The following SF3B1 variants were observed in gnomAD, a reference collection of about 807,000 sequenced individuals.
The protein encoded by SF3B1 is splicing factor 3b subunit 1.
A neutral mutation model predicts 153.8 loss-of-function variants in SF3B1; 12 were observed. The observed-to-expected ratio is 0.08, with a 90% CI of 0.05 to 0.13. SF3B1 has a LOEUF of 0.13. SF3B1 is among the 10% of genes least tolerant of loss of function. SF3B1 has a pLI of 1.00. For synonymous variants in SF3B1, 498 were observed against 525.2 expected, an observed-to-expected ratio of 0.95 and a Z score of 0.71; for missense variants, 513 against 1,606.1, an observed-to-expected ratio of 0.32 and a Z score of 11.63.
At position 197,401,370 on chromosome 2, in the gene SF3B1, T is replaced by G; in HGVS notation, c.2496+30A>C. On this transcript the variant is annotated intron_variant, in intron 17 of 24. Coordinates refer to ENST00000335508, the MANE Select transcript of SF3B1 (RefSeq NM_012433.4). The surrounding 1 kb of genome is among the most constrained non-coding windows in gnomAD (Gnocchi z 4.2). ...CTAAAGAATGAGTTGAAAGGACTTT[T>G]GAGAATATTCTTTTACAATAAAAGC... 2.5e-6 allele frequency: 4 copies of G among 1,574,968 alleles called. No individual in the cohort carries two copies. Among genetic ancestry groups the G allele is most frequent in the Non-Finnish European group, 3.4e-6 (4 of 1,167,098 alleles).
chr2:197,398,314 T>A (rs1301486031), intron 21 of SF3B1, 147 bp downstream of exon 21: 3 of 977,396 alleles, frequency 3.1e-6, no homozygotes, highest in Non-Finnish European at 4.7e-6. Context: ...CCATCCAAAT[T>A]GAAATTTGAC....
At chr2:197,406,011 C>T (rs1480388016) in intron 9 of SF3B1, among the ~76,000 whole-genome samples, 2 of 151,294 alleles carry the variant, frequency 1.3e-5, no homozygotes, top group East Asian at 1.9e-4. Flanking sequence ...ATAAAATACA[C>T]ACCACCTGAT....
intron 6 of SF3B1, chr2:197,416,447 G>A (rs1574543288): frequency 7.8e-6 from 2 of 256,228 alleles, no homozygotes; most frequent in East Asian, 1.4e-4. Context: ...GGTCATGAGG[G>A]TGGGGCCCTA....
chr2:197,418,645 T>A, intron 4 of SF3B1, 57 bp from the exon 5 acceptor site: 2 of 1,578,518 alleles, frequency 1.3e-6, no homozygotes, highest in Admixed American at 3.6e-5. Context: ...ATAAGCAGGT[T>A]CAACTGATTT....
chr2:197,395,974 GTCA>G (rs2084870829), intron 23 of SF3B1, 79 bp downstream of exon 23: 3 of 1,257,856 alleles, frequency 2.4e-6, no homozygotes, highest in Non-Finnish European at 3.3e-6. Context: ...ACAGTAAAAA[GTCA>G]TCTAATAACT....
intron 1 of SF3B1, among the ~76,000 whole-genome samples, chr2:197,426,122 A>C (rs1194210787): frequency 1.3e-5 from 2 of 151,898 alleles, no homozygotes; most frequent in Non-Finnish European, 2.9e-5. Flanking sequence ...CACTACATGC[A>C]CAGATGTTAC....
chr2:197,415,544 G>A (rs938240191), intron 6 of SF3B1, among the ~76,000 whole-genome samples: 5 of 152,134 alleles, frequency 3.3e-5, no homozygotes, highest in East Asian at 1.9e-4. Context: ...GTGAGCCACC[G>A]CACCCAGCCG....
At chr2:197,404,087 T>G (rs2084962900) in intron 11 of SF3B1, among the ~76,000 whole-genome samples, 1 of 152,214 alleles carries the variant, frequency 6.6e-6, no homozygotes, top group Admixed American at 6.5e-5. Context: ...ATTTCACTAA[T>G]TATCTTCAAG....
intron 20 of SF3B1, chr2:197,398,892 T>C (rs1401837578): frequency 2.0e-6 from 1 of 504,078 alleles, no homozygotes. Flanking sequence ...ACAGCTTATG[T>C]TCCGGCCATA....
intron 5 of SF3B1, among the ~76,000 whole-genome samples, chr2:197,417,466 G>A (rs186864776): frequency 5.3e-5 from 8 of 151,416 alleles, no homozygotes; most frequent in South Asian, 2.1e-4. Flanking sequence ...GGCTGGGTAC[G>A]GTGGCTCACA....
intron 23 of SF3B1, 51 bp from the exon 24 acceptor site, chr2:197,393,239 G>A (rs1412210104): frequency 8.3e-7 from 1 of 1,197,826 alleles, no homozygotes; most frequent in East Asian, 2.4e-5. Context: ...ATAAGAAAGG[G>A]GGAAAAATCC....
chr2:197,398,407 G>A lies in SF3B1; in HGVS notation c.3134+54C>T, dbSNP rs535653855. 68 of 1,599,656 alleles carry A rather than the reference G, an allele frequency of 4.3e-5. No individual in the cohort carries two copies. In the East Asian group the frequency reaches 1.5e-3, roughly 34 times the overall value. On this transcript the variant is annotated intron_variant, in intron 21 of 24. Transcript: ENST00000335508. ...AAATTTTGCTAATTGAATACAAAGTGGCCAAATTTGAAAATTGATACTGCT... is the reference window on the plus strand; with the variant it reads ...AAATTTTGCTAATTGAATACAAAGTAGCCAAATTTGAAAATTGATACTGCT...
chr2:197,434,728 G>A (rs559675104), intron 1 of SF3B1, among the ~76,000 whole-genome samples: 3 of 152,344 alleles, frequency 2.0e-5, no homozygotes, highest in East Asian at 3.9e-4. Context: ...GGTCAGAGAA[G>A]AGAAGCTACT....
intron 7 of SF3B1, among the ~76,000 whole-genome samples, chr2:197,409,425 G>A (rs536306532): frequency 6.6e-6 from 1 of 152,138 alleles, no homozygotes; most frequent in South Asian, 2.1e-4. Context: ...AGCCAGGCAT[G>A]GTGGCATGCC....
intron 6 of SF3B1, among the ~76,000 whole-genome samples, chr2:197,412,755 C>T (rs1037181825): frequency 4.7e-5 from 7 of 149,480 alleles, no homozygotes; most frequent in Admixed American, 1.3e-4. Context: ...GAGGCCAAGG[C>T]GGGTGGGTCA....
At chr2:197,405,565 C>CTTT (rs561671646) in intron 9 of SF3B1, 93 bp from the exon 10 acceptor site, 412 of 867,072 alleles carry the variant, frequency 4.8e-4, no homozygotes, top group Middle Eastern at 1.6e-3. Flanking sequence ...AGTTTATTAG[C>CTTT]TAATAAGGTT....
intron 2 of SF3B1, among the ~76,000 whole-genome samples, 188 bp from the exon 3 acceptor site, chr2:197,421,321 AAAGTT>A (rs1174783294): frequency 1.3e-5 from 2 of 152,264 alleles, no homozygotes; most frequent in East Asian, 3.8e-4. Flanking sequence ...TCAATTCAGT[AAAGTT>A]ATCTTTACTT....
chr2:197,409,948 G>A lies in SF3B1; in HGVS notation c.726C>T (p.Ser242=), dbSNP rs762313406. 8.7e-6 allele frequency: 14 copies of A among 1,614,106 alleles called. No homozygotes were observed. The highest frequency in any genetic ancestry group is 1.7e-4 in the Middle Eastern group (1 of 6,056). ...WDETPGRAKG[S]ETPGATPGSK... ...AGCCTGGGGTTGCTCCAGGAGTCTC[G>A]CTTCCCTTTGCACGACCTGGTGTCT... The change falls in exon 7 of 25, where the codon AGC becomes AGT. Residue 242 remains serine (S), a synonymous_variant. Coordinates refer to ENST00000335508, the MANE Select transcript of SF3B1 (RefSeq NM_012433.4).
At chr2:197,399,526 G>C (rs575935896) in intron 20 of SF3B1, among the ~76,000 whole-genome samples, 5 of 152,014 alleles carry the variant, frequency 3.3e-5, no homozygotes, top group Non-Finnish European at 7.4e-5. Context: ...GCTGTATTAC[G>C]GGTTAGAAAA....
Sources: allele counts gnomAD v4.1 joint callset (sites outside exome capture counted in the v4.1 genomes callset), GRCh38; gene constraint gnomAD v4.1.1; non-coding constraint Gnocchi (gnomAD v3.1); transcripts MANE v1.5; gene names NCBI Gene and HGNC (gene_info 2026-07-23, HGNC 2026-07-21).